Variants in GPC6 observed in about 807,000 individuals in gnomAD.
GPC6 encodes glypican 6, also known as glypican-6.
In GPC6, 14 loss-of-function variants were observed where a neutral mutation model predicts 55.2. That is an observed-to-expected ratio of 0.25 (90% CI 0.17 to 0.40). The LOEUF is 0.40. Ranked by LOEUF, GPC6 falls within the 10% of genes least tolerant of loss-of-function variation. The pLI, the probability that GPC6 is intolerant of heterozygous loss-of-function variation, is 1.00. For synonymous variants in GPC6, 278 were observed against 259.6 expected (o/e 1.07, Z -0.68); for missense variants, 641 against 708.5 (o/e 0.90, Z 1.08).
chr13:94,082,055 G>A lies in GPC6; in HGVS notation c.877+54161G>A, dbSNP rs1016236839. Among the ~76,000 whole-genome samples the A allele has an allele frequency of 3.9e-5, 6 of 152,034 alleles. No homozygotes were observed. In the East Asian group the frequency reaches 1.2e-3, roughly 29 times the overall value. ...GGGGTTTCACCATATTGGTCAGGCT[G>A]TTCTTGAACTCCTGACCTCAGATGA... On this transcript the variant is annotated intron_variant, in intron 4 of 8. Transcript: ENST00000377047.
At chr13:93,221,738 G>C in the GPC6 span, among the ~76,000 whole-genome samples, 3 of 152,142 alleles carry the variant, frequency 2.0e-5, no homozygotes, top group Non-Finnish European at 4.4e-5. Context: ...CCAGGCACCT[G>C]GCAGAGCTAC....
At chr13:94,024,102 G>GAC (rs140178004) in intron 3 of GPC6, among the ~76,000 whole-genome samples, 9,989 of 144,128 alleles carry the variant, frequency 0.069, 457 homozygotes, top group African/African-American at 0.13. Context: ...ACTGTGTATA[G>GAC]ACACACACAC....
chr13:93,815,680 A>C (rs957096116), intron 2 of GPC6, among the ~76,000 whole-genome samples: 1 of 152,242 alleles, frequency 6.6e-6, no homozygotes, highest in African/African-American at 2.4e-5. Context: ...AATGTTAAGC[A>C]AATTAGGTTG....
intron 2 of GPC6, among the ~76,000 whole-genome samples, chr13:93,783,296 G>C (rs558099629): frequency 6.6e-6 from 1 of 152,044 alleles, no homozygotes; most frequent in African/African-American, 2.4e-5. Flanking sequence ...TGCATCTATC[G>C]TTATAATAGA....
chr13:94,207,104 T>A (rs1440606484), intron 4 of GPC6, among the ~76,000 whole-genome samples: 1 of 152,096 alleles, frequency 6.6e-6, no homozygotes, highest in Non-Finnish European at 1.5e-5. Flanking sequence ...TCTTGTCCAT[T>A]CTTCCCCAGA....
intron 2 of GPC6, among the ~76,000 whole-genome samples, chr13:93,617,063 A>G (rs1878753574): frequency 1.3e-5 from 2 of 152,120 alleles, no homozygotes; most frequent in African/African-American, 4.8e-5. Context: ...AAGGCATGCC[A>G]GAATTAAAGT....
intron 2 of GPC6, among the ~76,000 whole-genome samples, chr13:93,572,863 G>A (rs1355147554): frequency 1.3e-5 from 2 of 151,952 alleles, no homozygotes; most frequent in African/African-American, 4.8e-5. Context: ...TAAATTCCTT[G>A]TATCTCATGA....
chr13:93,653,646 T>A lies in GPC6; in HGVS notation c.319+108225T>A, dbSNP rs1187439760. 6.8e-5 allele frequency among the ~76,000 whole-genome samples: 10 copies of A among 147,492 alleles called. No individual in the cohort carries two copies. The South Asian group carries it at 1.1e-3, about 16-fold the overall frequency. On this transcript the variant is annotated intron_variant, in intron 2 of 8. Coordinates refer to ENST00000377047, the MANE Select transcript of GPC6 (RefSeq NM_005708.5). ...TATATGATTTTAAACTTAAAAAAAA[T>A]ATATATTTTTCTGATAAGAAATAGA...
rs535545483 is a variant in GPC6 at position 93,544,418 on chromosome 13, T to C, written c.161-845T>C. 4.4e-4 allele frequency among the ~76,000 whole-genome samples: 67 copies of C among 152,318 alleles called. 1 individual carries two copies. The highest frequency in any genetic ancestry group is 9.2e-4 in the Admixed American group (14 of 15,286). On this transcript the variant is annotated intron_variant, in intron 1 of 8. Transcript: ENST00000377047. ...TAATAGCAGGAGCAATTTGTTGGTT[T>C]TATTTAGCAAGACATTGGGTGGATT...
chr13:93,790,277 T>C (rs1253127980), intron 2 of GPC6, among the ~76,000 whole-genome samples: 1 of 152,190 alleles, frequency 6.6e-6, no homozygotes, highest in East Asian at 1.9e-4. Context: ...TGAGGAGTTG[T>C]TTCCCAATGG....
chr13:93,859,760 A>G lies in GPC6; in HGVS notation c.711+29215A>G, dbSNP rs139659072. On this transcript the variant is annotated intron_variant, in intron 3 of 8. Transcript: ENST00000377047. ...ACATTGGGAACTGTAGAAGGCATCT[A>G]TAGAGTTCAGTAGCCTCATGACTGA... Among the ~76,000 whole-genome samples, 388 of 151,764 alleles carry G rather than the reference A, an allele frequency of 2.6e-3. 1 individual carries two copies. The highest frequency in any genetic ancestry group is 9.0e-3 in the African/African-American group (373 of 41,506).
At chr13:93,917,173 T>C (rs1415044333) in intron 3 of GPC6, among the ~76,000 whole-genome samples, 2 of 152,204 alleles carry the variant, frequency 1.3e-5, no homozygotes, top group African/African-American at 4.8e-5. Flanking sequence ...CCAAAGACTA[T>C]TTTAATTTTA....
intron 1 of GPC6, among the ~76,000 whole-genome samples, chr13:93,417,847 A>T (rs573071576): frequency 1.3e-5 from 2 of 152,066 alleles, no homozygotes. Flanking sequence ...TTTGGACAAA[A>T]AAATAAAAAA....
At chr13:93,978,051 A>G (rs920724311) in intron 3 of GPC6, among the ~76,000 whole-genome samples, 1 of 152,222 alleles carries the variant, frequency 6.6e-6, no homozygotes, top group Non-Finnish European at 1.5e-5. Context: ...TGTAACCACA[A>G]GAGTCCTTAA....
intron 2 of GPC6, among the ~76,000 whole-genome samples, chr13:93,811,755 T>C (rs1040291590): frequency 6.6e-6 from 1 of 152,090 alleles, no homozygotes; most frequent in Non-Finnish European, 1.5e-5. Context: ...CTAAATTAAT[T>C]GGGAAGGAAT....
At chr13:93,742,951 CG>C (rs1406992151) in intron 2 of GPC6, among the ~76,000 whole-genome samples, 1 of 151,552 alleles carries the variant, frequency 6.6e-6, no homozygotes, top group Non-Finnish European at 1.5e-5. Context: ...TAGATCTACA[CG>C]GAGGGAGAAA....
chr13:94,189,090 C>T (rs927648926), intron 4 of GPC6, among the ~76,000 whole-genome samples: 1 of 152,128 alleles, frequency 6.6e-6, no homozygotes, highest in African/African-American at 2.4e-5. Context: ...CCTGTGGCTT[C>T]CTCAAGAGAC....
intron 4 of GPC6, among the ~76,000 whole-genome samples, chr13:94,128,849 A>G (rs1886913566): frequency 2.0e-5 from 3 of 152,098 alleles, no homozygotes; most frequent in Non-Finnish European, 4.4e-5. Flanking sequence ...GTGTCAAACA[A>G]TGTCAGTTAC....
chr13:93,709,127 CTTA>C (rs752908948), intron 2 of GPC6, among the ~76,000 whole-genome samples: 7 of 151,920 alleles, frequency 4.6e-5, no homozygotes, highest in African/African-American at 1.7e-4. Context: ...TAGCATGTTA[CTTA>C]TTATATTACT....
Sources: allele counts gnomAD v4.1 joint callset (sites outside exome capture counted in the v4.1 genomes callset), GRCh38; gene constraint gnomAD v4.1.1; transcripts MANE v1.5; gene names NCBI Gene and HGNC (gene_info 2026-07-23, HGNC 2026-07-21).